Variants in CCDC178 observed in about 807,000 individuals in gnomAD.
CCDC178 encodes coiled-coil domain containing 178, also known as coiled-coil domain-containing protein 178.
In CCDC178, 126 loss-of-function variants were observed where a neutral mutation model predicts 117.4. The observed-to-expected ratio is 1.07, with a 90% confidence interval of 0.93 to 1.24. The LOEUF is 1.24. Ranked by LOEUF, CCDC178 falls within the 50% of genes most tolerant of loss-of-function variation. CCDC178 has a pLI of 0.00. For missense variants in CCDC178, 1,030 were observed against 986.9 expected, an observed-to-expected ratio of 1.04 and a Z score of -0.59; for synonymous variants, 283 against 313.4, an observed-to-expected ratio of 0.90 and a Z score of 1.02.
At chr18:33,220,123 A>C (rs2059213229) in intron 18 of CCDC178, among the ~76,000 whole-genome samples, 1 of 151,980 alleles carries the variant, frequency 6.6e-6, no homozygotes, top group Non-Finnish European at 1.5e-5. Context: ...GTCAGGTAGG[A>C]ACAAATGTTT....
At chr18:33,376,116 T>C (rs2063362109) in intron 5 of CCDC178, among the ~76,000 whole-genome samples, 1 of 152,188 alleles carries the variant, frequency 6.6e-6, no homozygotes, top group Non-Finnish European at 1.5e-5. Context: ...TCCCCACTCC[T>C]GAGATTTTAT....
At chr18:33,311,707 G>C (rs2062344372) in intron 11 of CCDC178, among the ~76,000 whole-genome samples, 1 of 152,194 alleles carries the variant, frequency 6.6e-6, no homozygotes, top group South Asian at 2.1e-4. Context: ...ACAGAAAGAT[G>C]GTCCAAGTAG....
intron 9 of CCDC178, among the ~76,000 whole-genome samples, chr18:33,334,668 G>A (rs1012360215): frequency 6.6e-5 from 10 of 151,940 alleles, no homozygotes; most frequent in African/African-American, 2.4e-4. Context: ...GTTGTGCTGT[G>A]ATCATTTAAT....
intron 12 of CCDC178, among the ~76,000 whole-genome samples, chr18:33,277,602 A>G (rs2059966079): frequency 6.6e-6 from 1 of 152,102 alleles, no homozygotes; most frequent in Non-Finnish European, 1.5e-5. Flanking sequence ...TCTGGGGGAT[A>G]AACCATTTCT....
chr18:33,017,293 G>A (rs998038073), intron 21 of CCDC178, among the ~76,000 whole-genome samples: 2 of 151,956 alleles, frequency 1.3e-5, no homozygotes, highest in Non-Finnish European at 2.9e-5. Flanking sequence ...AATCAATTAT[G>A]TTCTATACAC....
rs142622043 is a variant in CCDC178 at position 32,974,609 on chromosome 18, T to C, written c.2461A>G (p.Met821Val). 1.7e-5 allele frequency: 28 copies of C among 1,613,670 alleles called. No homozygotes were observed. The East Asian group carries it at 5.6e-4, about 32-fold the overall frequency. ...HFKLVVLFSQ[M>V]RLANFQTDSQ... ...TCTGTCTGGAAGTTGGCCAGCCTCA[T>C]CTGGCTGAAGAGGACCACCAGTTTG... The change falls in exon 22 of 23, where the codon ATG becomes GTG. Residue 821 changes from methionine to valine, a missense_variant. Transcript: ENST00000383096.
chr18:33,298,582 G>A (rs963050318), intron 11 of CCDC178, among the ~76,000 whole-genome samples: 3 of 152,112 alleles, frequency 2.0e-5, no homozygotes, highest in Non-Finnish European at 4.4e-5. Context: ...AGACAAGGAC[G>A]TCCAGTCTCA....
intron 2 of CCDC178, among the ~76,000 whole-genome samples, chr18:33,434,882 C>A (rs1049007986): frequency 2.0e-5 from 3 of 151,990 alleles, no homozygotes; most frequent in African/African-American, 7.3e-5. Flanking sequence ...ATGTTCTTTC[C>A]CAGTGTCTTC....
At chr18:32,986,707 G>A (rs942001095) in intron 21 of CCDC178, among the ~76,000 whole-genome samples, 12 of 151,990 alleles carry the variant, frequency 7.9e-5, no homozygotes, top group Admixed American at 6.6e-5. Flanking sequence ...AGGTAAATAT[G>A]TAAAGTCAAA....
chr18:32,938,066 T>C lies in CCDC178; in HGVS notation c.2549A>G (p.His850Arg). The C allele has an allele frequency of 6.2e-7, 1 of 1,613,734 alleles. No individual in the cohort carries two copies. ...CAAAGTCTGGAAGAAACCTAAGATGTGTTGCATTAAATTTGAAGATTCCTC... is the reference window on the plus strand; with the variant it reads ...CAAAGTCTGGAAGAAACCTAAGATGCGTTGCATTAAATTTGAAGATTCCTC... Reference protein sequence around the residue: ...VQEESSNLMQHILGFFQTLTD... With the variant: ...VQEESSNLMQRILGFFQTLTD... Residue 850 changes from histidine to arginine, a missense_variant, in exon 23 of 23, where the codon CAC becomes CGC. By Grantham distance (29) the His-to-Arg change is conservative. Transcript: ENST00000383096.
intron 18 of CCDC178, among the ~76,000 whole-genome samples, chr18:33,218,142 C>G (rs1281042562): frequency 6.6e-6 from 1 of 152,034 alleles, no homozygotes; most frequent in East Asian, 1.9e-4. Flanking sequence ...ACCTCTCTCT[C>G]ATGGCCCACA....
At chr18:32,971,837 G>C (rs1039165634) in intron 22 of CCDC178, among the ~76,000 whole-genome samples, 2 of 152,122 alleles carry the variant, frequency 1.3e-5, no homozygotes, top group Non-Finnish European at 2.9e-5. Flanking sequence ...AGAAGTGTCT[G>C]TTCATATCCT....
At chr18:33,105,521 G>A (rs2057693314) in intron 20 of CCDC178, among the ~76,000 whole-genome samples, 1 of 151,586 alleles carries the variant, frequency 6.6e-6, no homozygotes, top group Non-Finnish European at 1.5e-5. Flanking sequence ...TATTTTAAAA[G>A]TGTCCACTTG....
chr18:33,254,674 G>C (rs1345782920), intron 14 of CCDC178, among the ~76,000 whole-genome samples: 3 of 151,860 alleles, frequency 2.0e-5, no homozygotes, highest in Non-Finnish European at 4.4e-5. Context: ...TTATACAAAG[G>C]GTGAATTAAT....
rs143945373 is a variant in CCDC178 at position 33,397,577 on chromosome 18, A to C, written c.59-369T>G. 1.0e-3 allele frequency among the ~76,000 whole-genome samples: 154 copies of C among 152,300 alleles called. 2 individuals are homozygous for C. The East Asian group carries it at 0.02, about 20-fold the overall frequency. On this transcript the variant is annotated intron_variant, in intron 3 of 22. Transcript: ENST00000383096. Reference sequence around the variant, plus strand: ...TTTCCAAAGTTATATATGGATTTAAAAAATCCAACAGTATGGTAAGATTGG... The same window carrying C: ...TTTCCAAAGTTATATATGGATTTAACAAATCCAACAGTATGGTAAGATTGG...
chr18:33,360,036 TA>T (rs1227499257), intron 6 of CCDC178, among the ~76,000 whole-genome samples: 1 of 151,292 alleles, frequency 6.6e-6, no homozygotes, highest in East Asian at 1.9e-4. Context: ...AATAAGAAAA[TA>T]ATTAACCTTA....
intron 21 of CCDC178, among the ~76,000 whole-genome samples, chr18:33,070,708 T>G (rs1394313012): frequency 6.6e-6 from 1 of 152,060 alleles, no homozygotes; most frequent in African/African-American, 2.4e-5. Context: ...TTTGAGGTGA[T>G]GGATATCTTA....
intron 14 of CCDC178, among the ~76,000 whole-genome samples, chr18:33,263,472 A>G (rs1382909090): frequency 6.6e-6 from 1 of 152,146 alleles, no homozygotes; most frequent in African/African-American, 2.4e-5. Flanking sequence ...GGTGTATTTA[A>G]CAGTTGTTTA....
chr18:33,317,403 A>C (rs1278696160), intron 11 of CCDC178, among the ~76,000 whole-genome samples: 5 of 152,156 alleles, frequency 3.3e-5, no homozygotes, highest in African/African-American at 1.2e-4. Context: ...CATCAGAAGG[A>C]ACAAACTCTG....
Sources: gnomAD v4.1 joint callset for allele counts (sites outside exome capture counted in the v4.1 genomes callset) on GRCh38, gnomAD v4.1.1 for gene constraint, MANE v1.5 for transcripts, NCBI Gene and HGNC (gene_info 2026-07-23, HGNC 2026-07-21) for gene names.